The following ICE2 variants were observed in gnomAD, a reference collection of about 807,000 sequenced individuals.
ICE2 encodes the protein interactor of little elongation complex ELL subunit 2.
A neutral mutation model predicts 105.4 loss-of-function variants in ICE2; 87 were observed. The observed-to-expected ratio is 0.83, with a 90% CI of 0.69 to 0.99. The LOEUF (loss-of-function observed/expected upper bound fraction) is 0.99, where lower values mean the gene tolerates loss of function less well. ICE2 is among the 50% of genes least tolerant of loss of function. ICE2 has a pLI of 0.00. For synonymous variants in ICE2, 399 were observed against 392.0 expected (o/e 1.02, Z -0.21); for missense variants, 1,323 against 1,146.7 (o/e 1.15, Z -2.22).
Position 60,423,356 on chromosome 15 carries a change from G to T in ICE2, c.*278C>A. On this transcript the variant is annotated 3_prime_UTR_variant, in exon 16 of 16. Coordinates refer to ENST00000261520, the MANE Select transcript of ICE2 (RefSeq NM_024611.6). ...ATTATTTTTCTATTTACAATTTTTA[G>T]AAAAGGTTTAATGTAAAAATATTTT... The T allele has an allele frequency of 4.9e-6, 1 of 205,802 alleles. No individual in the cohort carries two copies. Among genetic ancestry groups the T allele is most frequent in the Non-Finnish European group, 9.7e-6 (1 of 102,768 alleles). The allele number at this position is 205,802 out of a possible 1,614,324, so 12.7% of individuals were successfully genotyped here.
At chr15:60,474,975 G>A (rs146055062) in intron 3 of ICE2, among the ~76,000 whole-genome samples, 183 of 152,050 alleles carry the variant, frequency 1.2e-3, no homozygotes, top group Non-Finnish European at 2.3e-3. Flanking sequence ...AAACAAAAAC[G>A]AAAAAGTAAT....
Position 60,449,402 on chromosome 15 carries a change from A to G in ICE2, c.1565T>C (p.Ile522Thr), listed in dbSNP as rs753578796. ...DALQLENSQE[I>T]ETSNKNDMTI... ...CATATCATTTTTATTAGAAGTTTCA[A>G]TTTCCTGAGAATTTTCTAACTGTAA... Residue 522 changes from isoleucine (I) to threonine (T), a missense_variant, in exon 10 of 16, where the codon ATT becomes ACT. Coordinates refer to ENST00000261520, the MANE Select transcript of ICE2 (RefSeq NM_024611.6). The G allele has an allele frequency of 1.9e-6, 3 of 1,613,306 alleles. No individual in the cohort carries two copies. The highest frequency in any genetic ancestry group is 4.5e-5 in the East Asian group (2 of 44,892).
rs2064023334 is a variant in ICE2, at chr15:60,453,680, T to A, written c.1048A>T (p.Met350Leu). Residue 350 changes from methionine to leucine, a missense_variant, in exon 9 of 16, where the codon ATG becomes TTG. Physicochemically the swap from Met to Leu is conservative, Grantham distance 15. Transcript: ENST00000261520. ...GGAACAGATGTGTTTTTGGACATCATAAATTTTAATGGAACTTCATGAAAG... is the reference window on the plus strand; with the variant it reads ...GGAACAGATGTGTTTTTGGACATCAAAAATTTTAATGGAACTTCATGAAAG... ...QIFHEVPLKF[M>L]MSKNTSVPVS... 1 of 1,613,406 alleles carries A rather than the reference T, an allele frequency of 6.2e-7. No homozygotes were observed. Among genetic ancestry groups the A allele is most frequent in the Non-Finnish European group, 8.5e-7 (1 of 1,179,498 alleles).
rs1177838803 is a variant in ICE2 at position 60,449,670 on chromosome 15, T to C, written c.1297A>G (p.Thr433Ala). 39 of 1,613,994 alleles carry C rather than the reference T, an allele frequency of 2.4e-5. No individual in the cohort carries two copies. The highest frequency in any genetic ancestry group is 3.0e-5 in the Non-Finnish European group (35 of 1,180,034). The change falls in exon 10 of 16, where the codon ACA (threonine) becomes GCA (alanine). Residue 433 changes from threonine (T) to alanine (A), a missense_variant. Transcript: ENST00000261520. Reference sequence around the variant, plus strand: ...GTTGTAGTTCCTGCTTTGGGGGCTGTAGGAGCATCTGTCATGTTAGGTACT... The same window carrying C: ...GTTGTAGTTCCTGCTTTGGGGGCTGCAGGAGCATCTGTCATGTTAGGTACT... Reference protein sequence around the residue: ...STVPNMTDAPTAPKAGTTTVA... With the variant: ...STVPNMTDAPAAPKAGTTTVA...
intron 5 of ICE2, among the ~76,000 whole-genome samples, chr15:60,459,372 C>A (rs187142362): frequency 6.6e-6 from 1 of 152,050 alleles, no homozygotes; most frequent in Non-Finnish European, 1.5e-5. Context: ...CTTTAAATGT[C>A]GTGGAAAAAA....
chr15:60,459,219 C>T (rs2064207820), intron 5 of ICE2, among the ~76,000 whole-genome samples: 2 of 152,038 alleles, frequency 1.3e-5, no homozygotes, highest in Non-Finnish European at 2.9e-5. Flanking sequence ...ACACAATCAG[C>T]CAGCAGGATT....
intron 15 of ICE2, among the ~76,000 whole-genome samples, chr15:60,424,126 G>T (rs1365471486): frequency 6.6e-6 from 1 of 152,100 alleles, no homozygotes; most frequent in South Asian, 2.1e-4. Context: ...GAAAAAGGAA[G>T]GAGTAATAGG....
intron 14 of ICE2, among the ~76,000 whole-genome samples, chr15:60,431,321 A>G (rs2063456304): frequency 6.6e-6 from 1 of 152,130 alleles, no homozygotes; most frequent in Non-Finnish European, 1.5e-5. Flanking sequence ...GTGTGATTAA[A>G]TTAAGGATTT....
At chr15:60,478,689 A>G (rs35461884) in intron 1 of ICE2, 234,103 of 336,006 alleles carry the variant, frequency 0.7, 84,490 homozygotes, top group East Asian at 0.94. Flanking sequence ...CGGTCTCTCG[A>G]CACCGAACGG....
At chr15:60,467,975 A>G (rs1196090790) in intron 4 of ICE2, 86 bp downstream of exon 4, 1 of 1,225,976 alleles carries the variant, frequency 8.2e-7, no homozygotes, top group Admixed American at 2.9e-5. Flanking sequence ...AAATGACGGG[A>G]CCTAAAAACA....
chr15:60,454,766 C>T (rs1003844485), intron 8 of ICE2: 1 of 372,034 alleles, frequency 2.7e-6, no homozygotes, highest in Admixed American at 4.3e-5. Context: ...TATACATGTG[C>T]CATGGTGGTT....
intron 15 of ICE2, among the ~76,000 whole-genome samples, chr15:60,425,117 A>C (rs1421218389): frequency 6.6e-6 from 1 of 152,142 alleles, no homozygotes; most frequent in Non-Finnish European, 1.5e-5. Flanking sequence ...GGGGTTACAG[A>C]CTCACTGAAA....
chr15:60,447,689 A>G (rs1163461410), intron 11 of ICE2: 3 of 222,550 alleles, frequency 1.3e-5, no homozygotes, highest in South Asian at 1.4e-4. Context: ...CCGGAGCTTA[A>G]AAGTTTTCAA....
At chr15:60,471,595 A>T (rs1212579130) in intron 3 of ICE2, among the ~76,000 whole-genome samples, 1 of 152,250 alleles carries the variant, frequency 6.6e-6, no homozygotes, top group Non-Finnish European at 1.5e-5. Context: ...CAAAGAATGA[A>T]ATGGTAGCAC....
Position 60,433,567 on chromosome 15 carries a change from C to T in ICE2, c.2511-1583G>A, listed in dbSNP as rs188919742. Among the ~76,000 whole-genome samples, 1,008 of 152,058 alleles carry T rather than the reference C, an allele frequency of 6.6e-3. 8 individuals carry two copies. The highest frequency in any genetic ancestry group is 0.024 in the African/African-American group (980 of 41,474). On this transcript the variant is annotated intron_variant, in intron 13 of 15. Coordinates refer to ENST00000261520, the MANE Select transcript of ICE2 (RefSeq NM_024611.6). ...AGTGCGGTGGCACGATCTCGGCTCA[C>T]TGCAACCTCCGCTCCTGGGTTCAAG...
chr15:60,450,995 A>C (rs1278640349), intron 9 of ICE2: 1 of 203,604 alleles, frequency 4.9e-6, no homozygotes, highest in Non-Finnish European at 8.7e-6. Context: ...GAGGAAGAAT[A>C]GCAATGAAAG....
chr15:60,448,798 G>C, intron 10 of ICE2, 50 bp downstream of exon 10: 1 of 1,483,930 alleles, frequency 6.7e-7, no homozygotes, highest in Non-Finnish European at 9.1e-7. Flanking sequence ...AAAAACCTAA[G>C]GAAAAAGAAC....
rs1438130291 is a variant in ICE2, at chr15:60,420,271, T to C, written c.*3363A>G. ...AATGAGAAACCCAGAAGCCATACTTTACTCTCCTTACCAACAACAAAACTG... is the reference window on the plus strand; with the variant it reads ...AATGAGAAACCCAGAAGCCATACTTCACTCTCCTTACCAACAACAAAACTG... On this transcript the variant is annotated 3_prime_UTR_variant, in exon 16 of 16. Coordinates refer to ENST00000261520, the MANE Select transcript of ICE2 (RefSeq NM_024611.6). The C allele has an allele frequency of 1.3e-5, 2 of 152,162 alleles. No homozygotes were observed. The highest frequency in any genetic ancestry group is 2.9e-5 in the Non-Finnish European group (2 of 68,032). The allele number at this position is 152,162 out of a possible 1,614,324, so 9.4% of individuals were successfully genotyped here.
chr15:60,443,872 T>C (rs1445316152), intron 11 of ICE2, among the ~76,000 whole-genome samples: 3 of 151,746 alleles, frequency 2.0e-5, no homozygotes, highest in Non-Finnish European at 1.5e-5. Flanking sequence ...GGTGGGAAGA[T>C]TACTTAAGGC....
Sources: allele counts gnomAD v4.1 joint callset (sites outside exome capture counted in the v4.1 genomes callset), GRCh38; gene constraint gnomAD v4.1.1; transcripts MANE v1.5; gene names NCBI Gene and HGNC (gene_info 2026-07-23, HGNC 2026-07-21).